The following HTR2C variants were observed in gnomAD, a reference collection of about 807,000 sequenced individuals.
HTR2C encodes the protein 5-hydroxytryptamine receptor 2C, also known as 5-hydroxytryptamine (serotonin) receptor 2C, G protein-coupled.
Under a neutral mutation model 21.0 loss-of-function variants are expected in HTR2C, and 5 were observed. The observed-to-expected ratio is 0.24, with a 90% CI of 0.12 to 0.50. The LOEUF (loss-of-function observed/expected upper bound fraction) is 0.50. Ranked by LOEUF, HTR2C falls within the 20% of genes least tolerant of loss-of-function variation. The pLI, the probability that HTR2C is intolerant of heterozygous loss-of-function variation, is 0.98. For synonymous variants in HTR2C, 150 were observed against 145.3 expected (o/e 1.03, Z -0.23); for missense variants, 271 against 371.2 (o/e 0.73, Z 2.22).
intron 4 of HTR2C, among the ~76,000 whole-genome samples, chrX:114,798,013 A>C (rs982490700): frequency 9.0e-5 from 10 of 111,452 alleles, no homozygotes; most frequent in Non-Finnish European, 1.9e-4. Context: ...GGTTTCAAAC[A>C]AGTATAAATA....
intron 4 of HTR2C, among the ~76,000 whole-genome samples, chrX:114,817,097 G>A (rs1472444365): frequency 9.0e-6 from 1 of 111,248 alleles, no homozygotes; most frequent in Non-Finnish European, 1.9e-5. Context: ...AAAAGATAAA[G>A]ACTGGCATAA....
intron 4 of HTR2C, among the ~76,000 whole-genome samples, chrX:114,788,223 C>T (rs1020758770): frequency 2.7e-5 from 3 of 110,901 alleles, no homozygotes; most frequent in South Asian, 3.8e-4. Flanking sequence ...GTTCTAATAA[C>T]GTTTTTACCC....
intron 2 of HTR2C, among the ~76,000 whole-genome samples, chrX:114,697,247 T>TA (rs1318213175): frequency 8.9e-6 from 1 of 112,508 alleles, no homozygotes; most frequent in African/African-American, 3.2e-5. Context: ...ATTGATTGTG[T>TA]ATATTATGCA....
chrX:114,881,887 A>T (rs1556479923), intron 5 of HTR2C, among the ~76,000 whole-genome samples: 1 of 110,352 alleles, frequency 9.1e-6, no homozygotes, highest in Non-Finnish European at 1.9e-5. Context: ...CAAAGAAGTC[A>T]TCTGGGATGC....
At chrX:114,745,781 T>C (rs1048152093) in intron 4 of HTR2C, among the ~76,000 whole-genome samples, 1 of 109,065 alleles carries the variant, frequency 9.2e-6, no homozygotes, top group African/African-American at 3.3e-5. Context: ...AGATAGAGAG[T>C]AGAAGGACGG....
At chrX:114,601,952 G>C (rs374876524) in intron 1 of HTR2C, among the ~76,000 whole-genome samples, 1 of 94,623 alleles carries the variant, frequency 1.1e-5, no homozygotes, top group Non-Finnish European at 2.1e-5. Flanking sequence ...AACATTTGTC[G>C]TATAGAATGA....
chrX:114,838,533 A>G (rs1396624899), intron 4 of HTR2C, among the ~76,000 whole-genome samples: 5 of 112,381 alleles, frequency 4.4e-5, no homozygotes, highest in Non-Finnish European at 7.5e-5. Flanking sequence ...AATGTCTTGT[A>G]TTCAGTCTTT....
intron 2 of HTR2C, among the ~76,000 whole-genome samples, chrX:114,631,571 A>G: frequency 9.0e-6 from 1 of 111,709 alleles, no homozygotes; most frequent in Non-Finnish European, 1.9e-5. Flanking sequence ...AGTAAGACAG[A>G]GAGATAAGTG....
At chrX:114,699,379 G>A (rs1387877105) in intron 2 of HTR2C, among the ~76,000 whole-genome samples, 4 of 110,825 alleles carry the variant, frequency 3.6e-5, no homozygotes, top group Non-Finnish European at 7.5e-5. Flanking sequence ...ATAGCTTCCT[G>A]CCCCTTCCCT....
chrX:114,783,050 C>T (rs1165014318), intron 4 of HTR2C, among the ~76,000 whole-genome samples: 1 of 111,357 alleles, frequency 9.0e-6, no homozygotes, highest in East Asian at 2.8e-4. Flanking sequence ...AATAAGTAGA[C>T]TGCATTAAAT....
At chrX:114,815,100 C>T (rs1439646700) in intron 4 of HTR2C, among the ~76,000 whole-genome samples, 1 of 107,816 alleles carries the variant, frequency 9.3e-6, no homozygotes, top group Non-Finnish European at 1.9e-5. Flanking sequence ...TTTTACTCAT[C>T]CTCAACAGGT....
At chrX:114,619,471 A>AC (rs1363610487) in intron 2 of HTR2C, among the ~76,000 whole-genome samples, 1 of 109,195 alleles carries the variant, frequency 9.2e-6, no homozygotes, top group Non-Finnish European at 1.9e-5. Context: ...ATATTCCCTC[A>AC]CCCCCCTCAT....
intron 4 of HTR2C, among the ~76,000 whole-genome samples, chrX:114,787,961 A>G (rs1046832858): frequency 2.1e-4 from 23 of 110,171 alleles, no homozygotes; most frequent in Non-Finnish European, 4.4e-4. Context: ...AAAAAAAAAA[A>G]AAAAGAAATC....
chrX:114,892,820 AAATT>A (rs1425083430), intron 5 of HTR2C, among the ~76,000 whole-genome samples: 1 of 110,582 alleles, frequency 9.0e-6, no homozygotes, highest in Non-Finnish European at 1.9e-5. Context: ...TAATATATCT[AAATT>A]AATCTATAGA....
chrX:114,606,009 A>G (rs782618421), intron 1 of HTR2C, among the ~76,000 whole-genome samples: 55 of 106,883 alleles, frequency 5.1e-4, no homozygotes, highest in African/African-American at 1.8e-3. Context: ...GGATTGGGGC[A>G]CAGTGATAAG....
chrX:114,654,732 C>T lies in HTR2C; in HGVS notation c.-80+40851C>T, dbSNP rs1347133271. On this transcript the variant is annotated intron_variant, in intron 2 of 5. Transcript: ENST00000276198. ...GGCAATAGAGCAGACAATTAATATA[C>T]TGTGTTGAAGTGCTATAGCAAGAAT... Among the ~76,000 whole-genome samples the T allele has an allele frequency of 2.7e-5, 3 of 110,063 alleles. No homozygotes were observed. In the East Asian group the frequency reaches 8.6e-4, roughly 31 times the overall value.
At chrX:114,878,347 C>T (rs2071154972) in intron 5 of HTR2C, among the ~76,000 whole-genome samples, 1 of 109,982 alleles carries the variant, frequency 9.1e-6, no homozygotes, top group Non-Finnish European at 1.9e-5. Flanking sequence ...GTATAATTAT[C>T]AATAATAGGA....
chrX:114,595,320 C>T (rs957651475), intron 1 of HTR2C, among the ~76,000 whole-genome samples: 1 of 110,479 alleles, frequency 9.1e-6, no homozygotes, highest in Non-Finnish European at 1.9e-5. Context: ...TGGGCTCAAG[C>T]GATTCTCTCA....
At chrX:114,776,220 C>G in intron 4 of HTR2C, 1 of 563,163 alleles carries the variant, frequency 1.8e-6, no homozygotes, top group Non-Finnish European at 3.2e-6. Flanking sequence ...ACCTTTTTGT[C>G]TAAGCCGTAA....
Sources: gnomAD v4.1 joint callset for allele counts (sites outside exome capture counted in the v4.1 genomes callset) on GRCh38, gnomAD v4.1.1 for gene constraint, MANE v1.5 for transcripts, NCBI Gene and HGNC (gene_info 2026-07-23, HGNC 2026-07-21) for gene names.